Variants in CLEC16A observed in about 807,000 individuals in gnomAD.
CLEC16A encodes the protein C-type lectin domain containing 16A, also known as protein CLEC16A.
CLEC16A carries 51 observed loss-of-function variants against 109.5 expected under a neutral mutation model. That is an observed-to-expected ratio of 0.47 (90% CI 0.37 to 0.59). The LOEUF (loss-of-function observed/expected upper bound fraction) is 0.59, where lower values mean the gene tolerates loss of function less well. CLEC16A is among the 20% of genes least tolerant of loss of function. The pLI, the probability that CLEC16A is intolerant of heterozygous loss-of-function variation, is 0.00. For synonymous variants in CLEC16A, 673 were observed against 564.2 expected (o/e 1.19, Z -2.73); for missense variants, 1,339 against 1,394.0 (o/e 0.96, Z 0.63).
At position 11,179,934 on chromosome 16, in the gene CLEC16A, A is replaced by G. The variant is rs2068906206; in HGVS notation, c.*1244A>G. Reference sequence around the variant, plus strand: ...CACAGCCCCCAAGATGTTCCTTTCTACTCGGCCAGCTCGGGAGCCAGACAC... The same window carrying G: ...CACAGCCCCCAAGATGTTCCTTTCTGCTCGGCCAGCTCGGGAGCCAGACAC... On this transcript the variant is annotated 3_prime_UTR_variant, in exon 24 of 24. Transcript: ENST00000409790. 6.6e-6 allele frequency: 1 copy of G among 152,538 alleles called. No homozygotes were observed. The allele number at this position is 152,538 out of a possible 1,614,324, so 9.4% of individuals were successfully genotyped here.
rs1001864225 is a variant in CLEC16A at position 11,173,040 on chromosome 16, C to G, written c.2807-5295C>G. On this transcript the variant is annotated intron_variant, in intron 23 of 23. Transcript: ENST00000409790. ...GGCTTCCCTCCCATCTGGACCCACC[C>G]CTGTGCCTGTGTCCAAGAGAGCCCC... Among the ~76,000 whole-genome samples, 4 of 152,296 alleles carry G rather than the reference C, an allele frequency of 2.6e-5. No individual in the cohort carries two copies. The East Asian group carries it at 7.7e-4, about 29-fold the overall frequency.
chr16:11,021,487 G>T (rs2046094244), intron 12 of CLEC16A, among the ~76,000 whole-genome samples: 1 of 152,202 alleles, frequency 6.6e-6, no homozygotes, highest in Non-Finnish European at 1.5e-5. Context: ...CTTAAGCAAA[G>T]GAAGAGGTAT....
chr16:11,153,069 T>C (rs985939854), intron 22 of CLEC16A, among the ~76,000 whole-genome samples: 1 of 152,058 alleles, frequency 6.6e-6, no homozygotes, highest in Non-Finnish European at 1.5e-5. Flanking sequence ...TCAATGCACA[T>C]AGTGATGTGG....
chr16:11,156,547 C>A lies in CLEC16A; in HGVS notation c.2642-9841C>A, dbSNP rs574458736. 7.3e-4 allele frequency: 943 copies of A among 1,288,630 alleles called. 1 individual carries two copies. The highest frequency in any genetic ancestry group is 2.0e-3 in the Admixed American group (88 of 43,526). The allele number at this position is 1,288,630 out of a possible 1,614,324, so 79.8% of individuals were successfully genotyped here. A position where few individuals can be genotyped will look rare whatever the true frequency, so the allele number is the denominator to read the frequency against. On this transcript the variant is annotated intron_variant, in intron 22 of 23. Coordinates refer to ENST00000409790, the MANE Select transcript of CLEC16A (RefSeq NM_015226.3). ...TGGGAGTCTCCTGGGTGCTGTCTAA[C>A]CCGCCTTCCTCCTGCTGCCGTTTCA...
intron 18 of CLEC16A, among the ~76,000 whole-genome samples, chr16:11,052,683 C>G (rs984666841): frequency 2.0e-5 from 3 of 152,178 alleles, no homozygotes; most frequent in African/African-American, 7.2e-5. Context: ...CACTGGACGT[C>G]CTGGCATCAG....
intron 22 of CLEC16A, among the ~76,000 whole-genome samples, chr16:11,150,831 C>T (rs948415891): frequency 4.6e-5 from 7 of 152,154 alleles, no homozygotes; most frequent in African/African-American, 1.7e-4. Flanking sequence ...TGGTCCAGGC[C>T]TCCCTCCTTG....
chr16:11,033,303 A>G (rs1009000812), intron 13 of CLEC16A, among the ~76,000 whole-genome samples: 2 of 152,088 alleles, frequency 1.3e-5, no homozygotes, highest in African/African-American at 2.4e-5. Flanking sequence ...AGGAGGGGGC[A>G]TGAAGGGAGG....
Position 11,042,241 on chromosome 16 carries a change from G to C in CLEC16A, c.1661-13G>C. 6.4e-7 allele frequency: 1 copy of C among 1,564,248 alleles called. No individual in the cohort carries two copies. The highest frequency in any genetic ancestry group is 8.7e-7 in the Non-Finnish European group (1 of 1,153,810). ...CCCTGGGTGTGCAAGGCTTACCCTG[G>C]TGTGCTCTGCAGATGGGAAGATCCG... On this transcript the variant is annotated splice_polypyrimidine_tract_variant and intron_variant, in intron 14 of 23. Transcript: ENST00000409790.
At chr16:11,176,253 A>T (rs554756974) in intron 23 of CLEC16A, among the ~76,000 whole-genome samples, 108 of 152,338 alleles carry the variant, frequency 7.1e-4, no homozygotes, top group African/African-American at 2.6e-3. Context: ...TTGAAATTCA[A>T]AGAAACCAGA....
At chr16:11,049,200 GT>G in intron 17 of CLEC16A, among the ~76,000 whole-genome samples, 1 of 152,170 alleles carries the variant, frequency 6.6e-6, no homozygotes, top group Non-Finnish European at 1.5e-5. Context: ...TAGAGACGGG[GT>G]TTCACCATGC....
At chr16:10,997,773 C>T (rs1036791654) in intron 10 of CLEC16A, among the ~76,000 whole-genome samples, 2 of 152,230 alleles carry the variant, frequency 1.3e-5, no homozygotes, top group Non-Finnish European at 2.9e-5. Context: ...CCAGACCTTT[C>T]GCTGTGTATT....
chr16:11,039,653 A>G (rs2047211044), intron 13 of CLEC16A, 101 bp from the exon 14 acceptor site: 1 of 1,295,456 alleles, frequency 7.7e-7, no homozygotes, highest in Non-Finnish European at 1.0e-6. Flanking sequence ...GAGGGAACAT[A>G]TGTGGCTGAA....
Position 11,178,602 on chromosome 16 carries a change from C to A in CLEC16A, c.3074C>A (p.Pro1025His). ...PHSLRSLTGM[P>H]PLSTPAAACT... is the part of the protein sequence containing the mutation. ...AGCCTCCGCAGCCTCACCGGCATGC[C>A]CCCGCTGTCCACGCCGGCTGCCGCC... Residue 1025 changes from proline to histidine, a missense_variant, in exon 24 of 24, where the codon CCC becomes CAC. Physicochemically the swap from Pro to His is moderately conservative, Grantham distance 77. Around this residue, in one of 3 missense-constraint regions of CLEC16A, gnomAD observed 1,061 missense variants for 1,006.8 expected, o/e 1.05. Coordinates refer to ENST00000409790, the MANE Select transcript of CLEC16A (RefSeq NM_015226.3). This position sits in a 1 kb window ranked among gnomAD's most constrained non-coding sequence, Gnocchi z 6.5. 1 of 1,607,038 alleles carries A rather than the reference C, an allele frequency of 6.2e-7. No homozygotes were observed. Among genetic ancestry groups the A allele is most frequent in the Non-Finnish European group, 8.5e-7 (1 of 1,178,864 alleles).
intron 10 of CLEC16A, among the ~76,000 whole-genome samples, chr16:10,991,572 C>T (rs2044015943): frequency 6.6e-6 from 1 of 152,084 alleles, no homozygotes; most frequent in South Asian, 2.1e-4. Flanking sequence ...GTCCAAGGGA[C>T]ATGGCACCTA....
intron 19 of CLEC16A, among the ~76,000 whole-genome samples, chr16:11,110,817 TCA>T (rs1444176880): frequency 1.3e-5 from 2 of 152,168 alleles, no homozygotes; most frequent in Non-Finnish European, 2.9e-5. Context: ...CGGCCCAGGG[TCA>T]CACAGTTTAA....
intron 22 of CLEC16A, among the ~76,000 whole-genome samples, chr16:11,151,609 A>G (rs1433727899): frequency 6.6e-6 from 1 of 152,258 alleles, no homozygotes; most frequent in Non-Finnish European, 1.5e-5. Flanking sequence ...TTGCATCTGT[A>G]TAGATGAATA....
intron 7 of CLEC16A, among the ~76,000 whole-genome samples, chr16:10,974,987 T>G (rs7206753): frequency 2.0e-5 from 3 of 151,990 alleles, no homozygotes; most frequent in Middle Eastern, 3.2e-3. Context: ...TCCATGCAGA[T>G]TTTCTAGAAA....
chr16:11,132,234 A>AC (rs71406209), intron 22 of CLEC16A, among the ~76,000 whole-genome samples: 22,606 of 70,410 alleles, frequency 0.32, 2,694 homozygotes, highest in South Asian at 0.46. Flanking sequence ...TCGCCCACCC[A>AC]CCCCCCCCGC....
At position 11,024,612 on chromosome 16, in the gene CLEC16A, TG is replaced by T. The variant is rs2046304007; in HGVS notation, c.1437-207del. On this transcript the variant is annotated intron_variant, in intron 12 of 23. Coordinates refer to ENST00000409790, the MANE Select transcript of CLEC16A (RefSeq NM_015226.3). Reference sequence around the variant, plus strand: ...GTGACTAAGCAAGCAGTCTGTTCCTTGGTCAGGTTCCCCTCTGGATAGCGGC... The same window carrying T: ...GTGACTAAGCAAGCAGTCTGTTCCTTGTCAGGTTCCCCTCTGGATAGCGGC... 7 of 496,358 alleles carry T rather than the reference TG, an allele frequency of 1.4e-5. No individual in the cohort carries two copies. The South Asian group carries it at 1.7e-4, about 12-fold the overall frequency. 30.7% of individuals were successfully genotyped at this position (496,358 alleles called of 1,614,324 possible).
Sources: allele counts gnomAD v4.1 joint callset (sites outside exome capture counted in the v4.1 genomes callset), GRCh38; gene constraint gnomAD v4.1.1; regional missense constraint gnomAD v4.1.1; non-coding constraint Gnocchi (gnomAD v3.1); transcripts MANE v1.5; gene names NCBI Gene and HGNC (gene_info 2026-07-23, HGNC 2026-07-21).